CCDC18: variants seen among roughly 807,000 people sequenced by gnomAD.
CCDC18 encodes coiled-coil domain containing 18.
Under a neutral mutation model 196.0 loss-of-function variants are expected in CCDC18, and 157 were observed. The ratio of observed to expected loss-of-function variants is 0.80; its 90% confidence interval spans 0.70 to 0.91. The LOEUF (loss-of-function observed/expected upper bound fraction) is 0.91. CCDC18 is among the 40% of genes least tolerant of loss of function. The pLI is 0.00. For synonymous variants in CCDC18, 482 were observed against 529.2 expected (o/e 0.91, Z 1.22); for missense variants, 1,465 against 1,611.6 (o/e 0.91, Z 1.56).
chr1:93,266,128 G>C (rs1664469822), intron 27 of CCDC18, among the ~76,000 whole-genome samples: 2 of 152,136 alleles, frequency 1.3e-5, no homozygotes, highest in African/African-American at 4.8e-5. Flanking sequence ...TTAGAACTCA[G>C]GATTAAGAAA....
intron 3 of CCDC18, among the ~76,000 whole-genome samples, chr1:93,184,507 C>T (rs372732699): frequency 6.6e-6 from 1 of 151,936 alleles, no homozygotes; most frequent in African/African-American, 2.4e-5. Flanking sequence ...GTATACCCAC[C>T]ATTTAAAGCC....
At chr1:93,193,125 T>G (rs1356105116) in intron 5 of CCDC18, among the ~76,000 whole-genome samples, 1 of 152,216 alleles carries the variant, frequency 6.6e-6, no homozygotes, top group African/African-American at 2.4e-5. Flanking sequence ...ATAATATAAT[T>G]ATTTTGTAAT....
At position 93,207,156 on chromosome 1, in the gene CCDC18, G is replaced by A. The variant is rs1654839697; in HGVS notation, c.967G>A (p.Ala323Thr). The A allele has an allele frequency of 6.3e-7, 1 of 1,589,254 alleles. No individual in the cohort carries two copies. Among genetic ancestry groups the A allele is most frequent in the Non-Finnish European group, 8.6e-7 (1 of 1,162,280 alleles). The change falls in exon 9 of 29, where the codon GCA becomes ACA. Residue 323 changes from alanine (A) to threonine (T), a missense_variant. Ala to Thr is a moderately conservative substitution (Grantham distance 58). Transcript: ENST00000690025. ...NNGKEKLRIM[A>T]VKNSEVMAQL... ...CGGAAAAGAAAAATTAAGGATCATGGCAGTGAAAAATTCAGAAGTCATGGC... is the reference window on the plus strand; with the variant it reads ...CGGAAAAGAAAAATTAAGGATCATGACAGTGAAAAATTCAGAAGTCATGGC...
chr1:93,270,290 G>A (rs879181168), intron 27 of CCDC18, 57 bp from the exon 28 acceptor site: 3 of 928,116 alleles, frequency 3.2e-6, no homozygotes, highest in African/African-American at 3.3e-5. Flanking sequence ...TTTCTAAGGA[G>A]TTCATTCATT....
At chr1:93,183,778 G>A (rs551760792) in intron 2 of CCDC18, among the ~76,000 whole-genome samples, 200 bp from the exon 3 acceptor site, 17 of 149,596 alleles carry the variant, frequency 1.1e-4, no homozygotes, top group African/African-American at 3.8e-4. Flanking sequence ...TAATCTTAGC[G>A]TAGAGGCTTT....
intron 24 of CCDC18, among the ~76,000 whole-genome samples, chr1:93,255,390 G>C (rs1486515792): frequency 6.6e-6 from 1 of 152,142 alleles, no homozygotes; most frequent in Non-Finnish European, 1.5e-5. Flanking sequence ...TCATCAGTAT[G>C]CATGTGTGTT....
At chr1:93,234,021 T>G (rs1659643907) in intron 18 of CCDC18, among the ~76,000 whole-genome samples, 1 of 152,238 alleles carries the variant, frequency 6.6e-6, no homozygotes, top group Non-Finnish European at 1.5e-5. Context: ...CATCTATGTT[T>G]GATTCCCACT....
At chr1:93,180,447 C>T (rs1649330264), upstream of CCDC18, 3 of 1,360,000 alleles carry the variant, frequency 2.2e-6, no homozygotes, top group South Asian at 3.9e-5. Flanking sequence ...GCTAGCAGTC[C>T]TATTCCGCAA....
chr1:93,206,878 T>C (rs1351048180), intron 8 of CCDC18, among the ~76,000 whole-genome samples: 1 of 152,120 alleles, frequency 6.6e-6, no homozygotes. Flanking sequence ...AGGAAAGTTA[T>C]ATAACCTTTT....
intron 21 of CCDC18, among the ~76,000 whole-genome samples, chr1:93,245,652 A>T (rs1003061426): frequency 6.6e-6 from 1 of 152,102 alleles, no homozygotes; most frequent in Non-Finnish European, 1.5e-5. Flanking sequence ...GCTTTTTTAT[A>T]TGTAAGGCAT....
chr1:93,191,838 T>C (rs927231557), intron 4 of CCDC18, among the ~76,000 whole-genome samples, 162 bp from the exon 5 acceptor site: 5 of 152,192 alleles, frequency 3.3e-5, no homozygotes, highest in Admixed American at 1.3e-4. Flanking sequence ...AATGATGATA[T>C]GCCCATGTAA....
intron 11 of CCDC18, among the ~76,000 whole-genome samples, chr1:93,213,362 G>C (rs1655986899): frequency 1.3e-5 from 2 of 151,270 alleles, no homozygotes; most frequent in African/African-American, 4.9e-5. Context: ...TCTCCACCAG[G>C]ATCCTTTGTA....
chr1:93,198,077 G>A (rs1053315863), intron 6 of CCDC18, among the ~76,000 whole-genome samples: 4 of 152,124 alleles, frequency 2.6e-5, no homozygotes, highest in African/African-American at 9.7e-5. Flanking sequence ...TAATGGAAGT[G>A]TAAATTGGTA....
At chr1:93,224,794 T>C (rs906338621) in intron 16 of CCDC18, among the ~76,000 whole-genome samples, 7 of 152,258 alleles carry the variant, frequency 4.6e-5, no homozygotes, top group Non-Finnish European at 1.0e-4. Context: ...TATTACACTG[T>C]TAACTATTAG....
intron 24 of CCDC18, 100 bp from the exon 25 acceptor site, chr1:93,256,235 A>T: frequency 1.1e-6 from 1 of 942,350 alleles, no homozygotes; most frequent in Non-Finnish European, 1.6e-6. Context: ...TAAAGGATTT[A>T]GTTGGAAGGT....
chr1:93,219,892 T>G (rs1657123890), intron 14 of CCDC18, among the ~76,000 whole-genome samples: 1 of 152,156 alleles, frequency 6.6e-6, no homozygotes, highest in South Asian at 2.1e-4. Context: ...AAAGAAAGAT[T>G]TATAAAAATA....
chr1:93,261,303 T>G (rs1034517356), intron 26 of CCDC18, among the ~76,000 whole-genome samples: 2 of 152,150 alleles, frequency 1.3e-5, no homozygotes, highest in African/African-American at 4.8e-5. Context: ...AATTTAAATA[T>G]ATTTAAAAAT....
At chr1:93,274,025 A>C (rs1174921577) in intron 28 of CCDC18, among the ~76,000 whole-genome samples, 1 of 152,174 alleles carries the variant, frequency 6.6e-6, no homozygotes, top group African/African-American at 2.4e-5. Context: ...CACTATATAT[A>C]ATCTTTACAT....
In CCDC18 at chr1:93,186,390, C is replaced by T. The variant is rs200691868; in HGVS notation, c.349C>T (p.Arg117Ter). 37 of 1,612,072 alleles carry T rather than the reference C, an allele frequency of 2.3e-5. No individual in the cohort carries two copies. The highest frequency in any genetic ancestry group is 3.3e-5 in the Admixed American group (2 of 59,888). The change falls in exon 4 of 29, where the codon CGA becomes TGA. Residue 117 changes from arginine (R) to a stop codon, truncating the protein, a stop_gained. Transcript: ENST00000690025. LOFTEE classifies it high-confidence loss of function. ...APVDQEIKSL[R>*]EKLNKLRQQN... ...TGTGGATCAGGAGATTAAAAGCCTT[C>T]GAGAGAAACTAAATAAACTTAGGCA...
Sources: gnomAD v4.1 joint callset for allele counts (sites outside exome capture counted in the v4.1 genomes callset) on GRCh38, gnomAD v4.1.1 for gene constraint, MANE v1.5 for transcripts, NCBI Gene and HGNC (gene_info 2026-07-23, HGNC 2026-07-21) for gene names.